MACROD2: variants seen among roughly 807,000 people sequenced by gnomAD.
MACROD2 encodes ADP-ribose glycohydrolase MACROD2.
MACROD2 carries 36 observed loss-of-function variants against 70.4 expected under a neutral mutation model. That is an observed-to-expected ratio of 0.51 (90% CI 0.39 to 0.68). MACROD2 has a LOEUF of 0.68. Ranked by LOEUF, MACROD2 falls within the 30% of genes least tolerant of loss-of-function variation. The probability of loss-of-function intolerance (pLI) is 0.00; values close to 1 mark genes in which losing one functional copy is unlikely to be tolerated. For synonymous variants in MACROD2, 172 were observed against 178.8 expected, an observed-to-expected ratio of 0.96 and a Z score of 0.30; for missense variants, 496 against 538.4, an observed-to-expected ratio of 0.92 and a Z score of 0.78.
At chr20:15,173,634 AT>A (rs11482785) in intron 5 of MACROD2, among the ~76,000 whole-genome samples, 5 of 151,276 alleles carry the variant, frequency 3.3e-5, no homozygotes, top group South Asian at 2.1e-4. Flanking sequence ...TTTTAATTCA[AT>A]TTTTTTTTGG....
chr20:14,416,174 G>A (rs543152718), intron 3 of MACROD2, among the ~76,000 whole-genome samples: 3 of 152,088 alleles, frequency 2.0e-5, no homozygotes, highest in African/African-American at 7.2e-5. Context: ...GGCCAGGATG[G>A]TCTCAATCTC....
chr20:14,428,315 CG>C (rs1195001280), intron 3 of MACROD2, among the ~76,000 whole-genome samples: 2 of 151,940 alleles, frequency 1.3e-5, no homozygotes, highest in Non-Finnish European at 2.9e-5. Flanking sequence ...AAATATGACT[CG>C]ATTAATAAGA....
chr20:14,567,514 C>T (rs548025816), intron 4 of MACROD2, among the ~76,000 whole-genome samples: 4 of 152,164 alleles, frequency 2.6e-5, no homozygotes, highest in Middle Eastern at 3.4e-3. Context: ...ATTGGGCTCA[C>T]TCTTCAGCCA....
chr20:15,587,258 A>G (rs547462894), intron 8 of MACROD2, among the ~76,000 whole-genome samples: 3 of 152,320 alleles, frequency 2.0e-5, no homozygotes, highest in East Asian at 3.9e-4. Flanking sequence ...CTTACTCCCT[A>G]TCATGAGAAT....
chr20:15,154,714 CATA>C (rs2076294912), intron 5 of MACROD2, among the ~76,000 whole-genome samples: 3 of 152,216 alleles, frequency 2.0e-5, no homozygotes, highest in African/African-American at 4.8e-5. Context: ...TAAGCCCATT[CATA>C]AGGGCTCCAC....
intron 3 of MACROD2, among the ~76,000 whole-genome samples, chr20:14,255,767 A>T (rs542736680): frequency 6.6e-6 from 1 of 152,112 alleles, no homozygotes; most frequent in Non-Finnish European, 1.5e-5. Context: ...CATTCCAGGA[A>T]GTCAGCTGTA....
chr20:14,070,648 T>C (rs1042015444), intron 2 of MACROD2, among the ~76,000 whole-genome samples: 5 of 152,172 alleles, frequency 3.3e-5, no homozygotes, highest in African/African-American at 1.2e-4. Context: ...TCCACATGGC[T>C]GGATTAAGAC....
intron 2 of MACROD2, among the ~76,000 whole-genome samples, chr20:14,038,017 A>G (rs6110142): frequency 0.18 from 26,577 of 151,276 alleles, 2,544 homozygotes; most frequent in South Asian, 0.23. Context: ...AACAAAAACC[A>G]GGCGCAGTGG....
At chr20:14,482,191 C>T (rs1441378237) in intron 3 of MACROD2, among the ~76,000 whole-genome samples, 1 of 150,958 alleles carries the variant, frequency 6.6e-6, no homozygotes, top group Non-Finnish European at 1.5e-5. Context: ...CTGCATGAGC[C>T]AGCATACTTT....
chr20:14,948,242 C>T (rs987104762), intron 5 of MACROD2, among the ~76,000 whole-genome samples: 6 of 152,174 alleles, frequency 3.9e-5, no homozygotes, highest in Non-Finnish European at 8.8e-5. Context: ...GTAAGCTAAG[C>T]AGGCCATGCA....
chr20:15,696,758 A>C (rs1427092243), intron 8 of MACROD2, among the ~76,000 whole-genome samples: 2 of 140,442 alleles, frequency 1.4e-5, no homozygotes, highest in Admixed American at 7.6e-5. Flanking sequence ...CAGGGTATCT[A>C]ATTCTTCATG....
intron 3 of MACROD2, among the ~76,000 whole-genome samples, chr20:14,160,903 A>G (rs2148717375): frequency 1.3e-5 from 2 of 152,250 alleles, no homozygotes; most frequent in South Asian, 4.1e-4. Context: ...TATATTGCAT[A>G]ACGTTTGGGT....
chr20:14,484,788 G>A (rs1018513277), intron 3 of MACROD2, among the ~76,000 whole-genome samples: 1 of 152,066 alleles, frequency 6.6e-6, no homozygotes, highest in Admixed American at 6.6e-5. Context: ...TTATTCTGAC[G>A]GAATACTACT....
chr20:14,104,044 C>T (rs775486376), intron 3 of MACROD2, among the ~76,000 whole-genome samples: 21 of 152,064 alleles, frequency 1.4e-4, no homozygotes, highest in African/African-American at 3.9e-4. Flanking sequence ...TACACACACA[C>T]GCACATACAC....
chr20:15,871,175 CAA>C (rs58775689), intron 9 of MACROD2, among the ~76,000 whole-genome samples: 8 of 114,592 alleles, frequency 7.0e-5, no homozygotes, highest in African/African-American at 2.1e-4. Flanking sequence ...GACTCCATCT[CAA>C]AAAAAAAAAA....
chr20:14,415,962 A>ATT (rs11481895), intron 3 of MACROD2, among the ~76,000 whole-genome samples: 9,299 of 140,232 alleles, frequency 0.066, 328 homozygotes, highest in African/African-American at 0.072. Flanking sequence ...GTTGTCCTCT[A>ATT]TTTTTTTTTT....
At chr20:15,388,018 A>G (rs1037195926) in intron 6 of MACROD2, among the ~76,000 whole-genome samples, 3 of 152,040 alleles carry the variant, frequency 2.0e-5, no homozygotes, top group Non-Finnish European at 4.4e-5. Flanking sequence ...CCCAAAGCAC[A>G]GGGATGTTTT....
At chr20:14,781,570 T>C (rs1168904127) in intron 5 of MACROD2, among the ~76,000 whole-genome samples, 1 of 150,900 alleles carries the variant, frequency 6.6e-6, no homozygotes, top group African/African-American at 2.5e-5. Flanking sequence ...CAGAGGAAAG[T>C]GGTACTTCAG....
intron 8 of MACROD2, among the ~76,000 whole-genome samples, chr20:15,858,060 A>G (rs1370648063): frequency 6.6e-6 from 1 of 152,112 alleles, no homozygotes; most frequent in Non-Finnish European, 1.5e-5. Context: ...AACATTAAAA[A>G]TAAATTCTAA....
Sources: gnomAD v4.1 joint callset for allele counts (sites outside exome capture counted in the v4.1 genomes callset) on GRCh38, gnomAD v4.1.1 for gene constraint, MANE v1.5 for transcripts, NCBI Gene and HGNC (gene_info 2026-07-23, HGNC 2026-07-21) for gene names.